The following SDHAF3 variants were observed in gnomAD, a reference collection of about 807,000 sequenced individuals.
SDHAF3 encodes the protein succinate dehydrogenase complex assembly factor 3.
A neutral mutation model predicts 11.5 loss-of-function variants in SDHAF3; 18 were observed. That is an observed-to-expected ratio of 1.56 (90% CI 1.08 to 2.32). SDHAF3 has a LOEUF of 2.32. Ranked by LOEUF, SDHAF3 falls within the 30% of genes most tolerant of loss-of-function variation. SDHAF3 has a pLI of 0.00. For missense variants in SDHAF3, 200 were observed against 154.4 expected (o/e 1.30, Z -1.57); for synonymous variants, 72 against 59.3 (o/e 1.21, Z -0.99).
chr7:97,146,315 C>T (rs1055445783), intron 1 of SDHAF3, among the ~76,000 whole-genome samples: 1 of 152,160 alleles, frequency 6.6e-6, no homozygotes, highest in African/African-American at 2.4e-5. Context: ...ACTAAAATCA[C>T]ATCATACACA....
At chr7:97,162,174 C>A (rs1418164216) in intron 1 of SDHAF3, among the ~76,000 whole-genome samples, 1 of 152,098 alleles carries the variant, frequency 6.6e-6, no homozygotes, top group African/African-American at 2.4e-5. Context: ...TTGCATTTCC[C>A]TAATGACCAG....
intron 1 of SDHAF3, among the ~76,000 whole-genome samples, chr7:97,158,075 A>G (rs1173474743): frequency 6.6e-6 from 1 of 152,026 alleles, no homozygotes; most frequent in Non-Finnish European, 1.5e-5. Context: ...AACATGGCAC[A>G]TGTATACATA....
At chr7:97,171,609 A>G (rs950912130) in intron 1 of SDHAF3, among the ~76,000 whole-genome samples, 7 of 152,108 alleles carry the variant, frequency 4.6e-5, no homozygotes, top group Non-Finnish European at 7.4e-5. Flanking sequence ...CTTGAACTCT[A>G]TACAGTTGAT....
chr7:97,153,855 G>A (rs1440918771), intron 1 of SDHAF3, among the ~76,000 whole-genome samples: 1 of 152,168 alleles, frequency 6.6e-6, no homozygotes, highest in Non-Finnish European at 1.5e-5. Context: ...TGGTCTCAGT[G>A]TTTTGGATGT....
At chr7:97,150,855 C>T (rs1034996580) in intron 1 of SDHAF3, among the ~76,000 whole-genome samples, 4 of 152,008 alleles carry the variant, frequency 2.6e-5, no homozygotes, top group Non-Finnish European at 4.4e-5. Context: ...AGCCACCGCA[C>T]CCGGCCTAGG....
intron 1 of SDHAF3, among the ~76,000 whole-genome samples, chr7:97,120,194 T>G (rs1791470193): frequency 6.6e-6 from 1 of 152,174 alleles, no homozygotes; most frequent in Non-Finnish European, 1.5e-5. Flanking sequence ...AGAACAGTTT[T>G]CCTGTCTTCC....
At chr7:97,119,376 A>G (rs1202448654) in intron 1 of SDHAF3, among the ~76,000 whole-genome samples, 1 of 152,176 alleles carries the variant, frequency 6.6e-6, no homozygotes, top group African/African-American at 2.4e-5. Flanking sequence ...AATAGGTTGT[A>G]GGAGAGAGAG....
intron 1 of SDHAF3, among the ~76,000 whole-genome samples, chr7:97,177,113 T>C (rs979652604): frequency 1.3e-5 from 2 of 152,098 alleles, no homozygotes; most frequent in African/African-American, 4.8e-5. Flanking sequence ...TATCATATGC[T>C]TAGGTATAGT....
intron 1 of SDHAF3, among the ~76,000 whole-genome samples, chr7:97,133,731 A>G (rs552709523): frequency 6.6e-6 from 1 of 152,282 alleles, no homozygotes; most frequent in East Asian, 1.9e-4. Context: ...GGAGAATGGT[A>G]TTTGCCTCAT....
chr7:97,181,261 T>G lies in SDHAF3; in HGVS notation c.*46T>G. On this transcript the variant is annotated 3_prime_UTR_variant, in exon 2 of 2. Coordinates refer to ENST00000432641, the MANE Select transcript of SDHAF3 (RefSeq NM_020186.3). ...AAGACATGCAAAAATTTAGAACCCC[T>G]ACTTTAACTGTCATTGGTTTTTGAA... 1 of 1,387,196 alleles carries G rather than the reference T, an allele frequency of 7.2e-7. No homozygotes were observed. The highest frequency in any genetic ancestry group is 9.9e-7 in the Non-Finnish European group (1 of 1,006,870). 85.9% of individuals were successfully genotyped at this position (1,387,196 alleles called of 1,614,324 possible).
chr7:97,122,106 C>T (rs1229217093), intron 1 of SDHAF3, among the ~76,000 whole-genome samples: 1 of 152,174 alleles, frequency 6.6e-6, no homozygotes, highest in African/African-American at 2.4e-5. Context: ...ATCCGCCCAC[C>T]TGGGCCTCCC....
rs959540992 is a variant in SDHAF3 at position 97,157,668 on chromosome 7, G to A, written c.175-23344G>A. Among the ~76,000 whole-genome samples, 5 of 152,064 alleles carry A rather than the reference G, an allele frequency of 3.3e-5. No individual in the cohort carries two copies. In the South Asian group the frequency reaches 6.2e-4, roughly 19 times the overall value. ...TGCTGCTATAAAGACACATGCATAC[G>A]TATGTTTATTGTGGCACTATTCACA... On this transcript the variant is annotated intron_variant, in intron 1 of 1. Coordinates refer to ENST00000432641, the MANE Select transcript of SDHAF3 (RefSeq NM_020186.3).
At chr7:97,164,738 T>A (rs1286258112) in intron 1 of SDHAF3, among the ~76,000 whole-genome samples, 1 of 152,184 alleles carries the variant, frequency 6.6e-6, no homozygotes, top group Non-Finnish European at 1.5e-5. Flanking sequence ...TTGCGTGAAT[T>A]CATCACACAC....
At chr7:97,150,477 T>C (rs919395686) in intron 1 of SDHAF3, among the ~76,000 whole-genome samples, 1 of 152,054 alleles carries the variant, frequency 6.6e-6, no homozygotes, top group African/African-American at 2.4e-5. Flanking sequence ...ACATTATTAA[T>C]CTCCTTGTAT....
chr7:97,172,110 A>G (rs1475921054), intron 1 of SDHAF3, among the ~76,000 whole-genome samples: 1 of 152,126 alleles, frequency 6.6e-6, no homozygotes, highest in Non-Finnish European at 1.5e-5. Context: ...ATGAAAAACT[A>G]TTCTTCAAAA....
chr7:97,175,856 A>G (rs73708882), intron 1 of SDHAF3, among the ~76,000 whole-genome samples: 2,146 of 152,300 alleles, frequency 0.014, 50 homozygotes, highest in African/African-American at 0.048. Context: ...TGTCTGCTGT[A>G]ATAAATTACC....
intron 1 of SDHAF3, among the ~76,000 whole-genome samples, chr7:97,159,058 G>A (rs559178481): frequency 8.9e-4 from 135 of 152,226 alleles, no homozygotes; most frequent in Non-Finnish European, 1.7e-3. Context: ...ATTTAAATAA[G>A]TTCTCTATTA....
Position 97,181,429 on chromosome 7 carries a change from T to A in SDHAF3, c.*214T>A, listed in dbSNP as rs1789772834. On this transcript the variant is annotated 3_prime_UTR_variant, in exon 2 of 2. Transcript: ENST00000432641. ...ATAGCACTTGTATGAAATTCAGTTT[T>A]GGAACTAAACAGCAAATTTCTAGAA... 2 of 405,564 alleles carry A rather than the reference T, an allele frequency of 4.9e-6. No homozygotes were observed. The highest frequency in any genetic ancestry group is 4.1e-5 in the African/African-American group (2 of 48,510). 25.1% of individuals were successfully genotyped at this position (405,564 alleles called of 1,614,324 possible).
At chr7:97,141,941 C>G (rs1789052347) in intron 1 of SDHAF3, among the ~76,000 whole-genome samples, 1 of 151,670 alleles carries the variant, frequency 6.6e-6, no homozygotes, top group Admixed American at 6.6e-5. Context: ...GTCTTTTTCT[C>G]CCCCAAAAGA....
Sources: gnomAD v4.1 joint callset for allele counts (sites outside exome capture counted in the v4.1 genomes callset) on GRCh38, gnomAD v4.1.1 for gene constraint, MANE v1.5 for transcripts, NCBI Gene and HGNC (gene_info 2026-07-23, HGNC 2026-07-21) for gene names.